KLK5: variants seen among roughly 807,000 people sequenced by gnomAD.
KLK5 encodes the protein kallikrein related peptidase 5.
KLK5 carries 18 observed loss-of-function variants against 24.0 expected under a neutral mutation model. The observed-to-expected ratio is 0.75, with a 90% CI of 0.52 to 1.11. The LOEUF (loss-of-function observed/expected upper bound fraction) is 1.11, where lower values mean the gene tolerates loss of function less well. Among genes scored for constraint, KLK5 ranks in the 50% most tolerant of loss-of-function variants. KLK5 has a pLI of 0.00. For synonymous variants in KLK5, 140 were observed against 154.0 expected, an observed-to-expected ratio of 0.91 and a Z score of 0.67; for missense variants, 374 against 379.2, an observed-to-expected ratio of 0.99 and a Z score of 0.11.
At chr19:50,945,005 TCTTCCTTTCTTTCTCCTTCCTTC>T (rs986657558) in intron 5 of KLK5, among the ~76,000 whole-genome samples, 12 of 151,500 alleles carry the variant, frequency 7.9e-5, no homozygotes, top group African/African-American at 1.9e-4. Flanking sequence ...TCTTTCTCTT[TCTTCCTTTCTTTCTCCTTCCTTC>T]CTTCCTTTCT....
Position 50,947,007 on chromosome 19 carries a change from G to A in KLK5, c.726+1633C>T, listed in dbSNP as rs976796911. Among the ~76,000 whole-genome samples, 7 of 152,080 alleles carry A rather than the reference G, an allele frequency of 4.6e-5. No homozygotes were observed. Among genetic ancestry groups the A allele is most frequent in the Non-Finnish European group, 8.8e-5 (6 of 68,016 alleles). The stretch of plus-strand genomic sequence containing the variant: ...GGGAGCTTTTCATAGCCATGGGACT[G>A]GAGTACTCCTGAATCCCCAGCTTCC... On this transcript the variant is annotated intron_variant, in intron 5 of 5. Coordinates refer to ENST00000336334, the MANE Select transcript of KLK5 (RefSeq NM_012427.5). This position sits in a 1 kb window ranked among gnomAD's most constrained non-coding sequence, Gnocchi z 8.7.
rs574408687 is a variant in KLK5, at chr19:50,944,567, C to A, written c.727-781G>T. 5.3e-5 allele frequency among the ~76,000 whole-genome samples: 8 copies of A among 152,268 alleles called. No individual in the cohort carries two copies. The East Asian group carries it at 1.4e-3, about 26-fold the overall frequency. Reference sequence around the variant, plus strand: ...CCTTCCTTCCCCATTCTCCACCAACCCATCCTTATACCTCCCTTCTGCAAA... The same window carrying A: ...CCTTCCTTCCCCATTCTCCACCAACACATCCTTATACCTCCCTTCTGCAAA... On this transcript the variant is annotated intron_variant, in intron 5 of 5. Coordinates refer to ENST00000336334, the MANE Select transcript of KLK5 (RefSeq NM_012427.5).
At chr19:50,945,765 T>C (rs528613439) in intron 5 of KLK5, among the ~76,000 whole-genome samples, 1 of 113,584 alleles carries the variant, frequency 8.8e-6, no homozygotes, top group East Asian at 7.4e-4. Flanking sequence ...CACTCCAGCC[T>C]GGGTGACAGA....
Position 50,949,086 on chromosome 19 carries a change from G to C in KLK5, c.365C>G (p.Ser122Cys). Residue 122 changes from serine (S) to cysteine (C), a missense_variant, in exon 4 of 6, where the codon TCC (serine) becomes TGC (cysteine). By Grantham distance (112) the Ser-to-Cys change is moderately radical (BLOSUM62 -1). Transcript: ENST00000336334. ...CCCAGATTCATAAACTGGTGACAGG[G>C]AGTAGTGGCCGAGACGGACTCTGAA... Reference protein sequence around the residue: ...KVFRVRLGHYSLSPVYESGQQ... With the variant: ...KVFRVRLGHYCLSPVYESGQQ... 6.2e-7 allele frequency: 1 copy of C among 1,613,278 alleles called. No individual in the cohort carries two copies.
rs558620755 is a variant in KLK5, at chr19:50,943,389, C to T, written c.*242G>A. 4.7e-6 allele frequency: 2 copies of T among 426,326 alleles called. No homozygotes were observed. The highest frequency in any genetic ancestry group is 7.6e-5 in the Admixed American group (2 of 26,202). The allele number at this position is 426,326 out of a possible 1,614,324, so 26.4% of individuals were successfully genotyped here. On this transcript the variant is annotated 3_prime_UTR_variant, in exon 6 of 6. Coordinates refer to ENST00000336334, the MANE Select transcript of KLK5 (RefSeq NM_012427.5). ...CCCTGAGCTTGAGGATGAAAGTGCC[C>T]CAGGGAGATTGAGACGCAACCCCCG...
rs375974418 is a variant in KLK5 at position 50,952,627 on chromosome 19, C to A, written c.31G>T (p.Val11Leu). Residue 11 changes from valine (V) to leucine (L), a missense_variant, in exon 2 of 6, where the codon GTG (valine) becomes TTG (leucine). Val to Leu is a conservative substitution (Grantham distance 32, BLOSUM62 1). Coordinates refer to ENST00000336334, the MANE Select transcript of KLK5 (RefSeq NM_012427.5). ...AAGGCTGTGATCAGAGCACAGAGCA[C>A]CCACATCCAGGGGGGTCTTGCTGTA... MATARPPWMW[V>L]LCALITALLL... is the part of the protein sequence containing the mutation. 3.1e-6 allele frequency: 5 copies of A among 1,605,344 alleles called. No individual in the cohort carries two copies. The highest frequency in any genetic ancestry group is 1.7e-4 in the Middle Eastern group (1 of 6,046).
intron 1 of KLK5, 39 bp downstream of exon 1, chr19:50,952,708 T>C (rs750732285): frequency 1.4e-6 from 2 of 1,465,256 alleles, no homozygotes; most frequent in East Asian, 2.4e-5. Flanking sequence ...GCCCAGGCGA[T>C]CCGGGGAGCC....
At chr19:50,944,086 C>T (rs1220778180) in intron 5 of KLK5, among the ~76,000 whole-genome samples, 1 of 151,972 alleles carries the variant, frequency 6.6e-6, no homozygotes, top group Non-Finnish European at 1.5e-5. Context: ...TCACTGCAGC[C>T]TCCATCTCCC....
chr19:50,951,831 C>T (rs185985961), intron 2 of KLK5, among the ~76,000 whole-genome samples: 1 of 152,128 alleles, frequency 6.6e-6, no homozygotes, highest in African/African-American at 2.4e-5. Context: ...GTTCAGACTG[C>T]CACATACTCT....
intron 5 of KLK5, 37 bp downstream of exon 5, chr19:50,948,603 C>T: frequency 6.2e-7 from 1 of 1,610,346 alleles, no homozygotes; most frequent in Non-Finnish European, 8.5e-7. Flanking sequence ...AGTTGGCACT[C>T]AGTGTGTATC....
rs1050610219 is a variant in KLK5, at chr19:50,947,120, G to A, written c.726+1520C>T. Among the ~76,000 whole-genome samples the A allele has an allele frequency of 1.3e-5, 2 of 152,100 alleles. No individual in the cohort carries two copies. The highest frequency in any genetic ancestry group is 4.8e-5 in the African/African-American group (2 of 41,412). On this transcript the variant is annotated intron_variant, in intron 5 of 5. Coordinates refer to ENST00000336334, the MANE Select transcript of KLK5 (RefSeq NM_012427.5). The surrounding 1 kb of genome is among the most constrained non-coding windows in gnomAD (Gnocchi z 8.7). ...CCTTGGGAGCCTGAATACAGAGAAG[G>A]GTGCTGGTTGATGTAACAGTTTGAT...
In KLK5 at chr19:50,947,020, A is replaced by G. The variant is rs2090641925; in HGVS notation, c.726+1620T>C. Among the ~76,000 whole-genome samples, 2 of 152,086 alleles carry G rather than the reference A, an allele frequency of 1.3e-5. No homozygotes were observed. Among genetic ancestry groups the G allele is most frequent in the African/African-American group, 2.4e-5 (1 of 41,402 alleles). On this transcript the variant is annotated intron_variant, in intron 5 of 5. Transcript: ENST00000336334. The surrounding 1 kb of genome is among the most constrained non-coding windows in gnomAD (Gnocchi z 8.7). ...AGCCATGGGACTGGAGTACTCCTGA[A>G]TCCCCAGCTTCCTAACTACTGTTGA...
At chr19:50,951,456 A>G (rs1195761896) in intron 2 of KLK5, among the ~76,000 whole-genome samples, 1 of 151,974 alleles carries the variant, frequency 6.6e-6, no homozygotes, top group African/African-American at 2.4e-5. Context: ...TATTTTTAGT[A>G]GAGACGGGGT....
chr19:50,951,332 G>A (rs1600077259), intron 2 of KLK5, among the ~76,000 whole-genome samples: 1 of 151,870 alleles, frequency 6.6e-6, no homozygotes, highest in East Asian at 1.9e-4. Flanking sequence ...GAGTGCAATG[G>A]CGCGATCTCG....
chr19:50,945,551 G>C (rs2123558034), intron 5 of KLK5, among the ~76,000 whole-genome samples: 1 of 151,950 alleles, frequency 6.6e-6, no homozygotes, highest in Non-Finnish European at 1.5e-5. Flanking sequence ...CCAGCAATTT[G>C]GGAGGCCGAG....
chr19:50,952,438 A>G, intron 2 of KLK5, 147 bp downstream of exon 2: 1 of 518,012 alleles, frequency 1.9e-6, no homozygotes, highest in Non-Finnish European at 3.3e-6. Flanking sequence ...ATACGATCGC[A>G]CAACCACAAG....
Position 50,949,640 on chromosome 19 carries a change from C to G in KLK5, c.335+215G>C, listed in dbSNP as rs184424023. ...ACCTCATCCTCCCACCTTGCTCCCCCGCAAAACTCCATCCTTAGTCCTATC... is the reference window on the plus strand; with the variant it reads ...ACCTCATCCTCCCACCTTGCTCCCCGGCAAAACTCCATCCTTAGTCCTATC... On this transcript the variant is annotated intron_variant, in intron 3 of 5. Transcript: ENST00000336334. 5.9e-5 allele frequency among the ~76,000 whole-genome samples: 9 copies of G among 151,874 alleles called. No individual in the cohort carries two copies. The South Asian group carries it at 1.2e-3, about 21-fold the overall frequency.
chr19:50,948,718 C>G lies in KLK5; in HGVS notation c.648G>C (p.Arg216Ser). ...TCTGTCTCGGGTAAGCATCCTCGCA[C>G]CTTTTCTGACTTAGCACGCTGATAT... ...CLNISVLSQK[R>S]CEDAYPRQID... The change falls in exon 5 of 6, where the codon AGG becomes AGC. Residue 216 changes from arginine (R) to serine (S), a missense_variant. Physicochemically the swap from Arg to Ser is moderately radical, Grantham distance 110. Coordinates refer to ENST00000336334, the MANE Select transcript of KLK5 (RefSeq NM_012427.5). The G allele has an allele frequency of 6.2e-7, 1 of 1,614,144 alleles. No homozygotes were observed. Among genetic ancestry groups the G allele is most frequent in the Non-Finnish European group, 8.5e-7 (1 of 1,180,028 alleles).
At position 50,948,607 on chromosome 19, in the gene KLK5, GTGTATC is replaced by G. The variant is rs747600596; in HGVS notation, c.726+27_726+32del. 104 of 1,612,062 alleles carry G rather than the reference GTGTATC, an allele frequency of 6.5e-5. No individual in the cohort carries two copies. The Middle Eastern group carries it at 8.2e-4, about 13-fold the overall frequency. ...CCATGTTACCGAGTTGGCACTCAGT[GTGTATC>G]TGCTGAATAAAGAGAGGTGTCCTCA... On this transcript the variant is annotated intron_variant, in intron 5 of 5. Coordinates refer to ENST00000336334, the MANE Select transcript of KLK5 (RefSeq NM_012427.5).
Sources: allele counts gnomAD v4.1 joint callset (sites outside exome capture counted in the v4.1 genomes callset), GRCh38; gene constraint gnomAD v4.1.1; non-coding constraint Gnocchi (gnomAD v3.1); transcripts MANE v1.5; gene names NCBI Gene and HGNC (gene_info 2026-07-23, HGNC 2026-07-21).